The following RP1 variants were observed in gnomAD, a reference collection of about 807,000 sequenced individuals.
RP1 encodes RP1 axonemal microtubule associated.
A neutral mutation model predicts 14.8 loss-of-function variants in RP1; 16 were observed. The observed-to-expected ratio is 1.08, with a 90% confidence interval of 0.73 to 1.65. RP1 has a LOEUF of 1.65. RP1 is among the 40% of genes most tolerant of loss of function. The pLI is 0.00. For missense variants in RP1, 2,631 were observed against 2,535.0 expected, an observed-to-expected ratio of 1.04 and a Z score of -0.81; for synonymous variants, 876 against 883.6, an observed-to-expected ratio of 0.99 and a Z score of 0.15.
chr8:54,793,915 A>C (rs1810523529), intron 24 of RP1, among the ~76,000 whole-genome samples: 1 of 151,920 alleles, frequency 6.6e-6, no homozygotes, highest in African/African-American at 2.4e-5. Context: ...TTACATATAG[A>C]AAATTCTAAA....
Position 54,628,114 on chromosome 8 carries a change from A to G in RP1, c.4232A>G (p.Asp1411Gly), listed in dbSNP as rs1481855221. 1.9e-6 allele frequency: 3 copies of G among 1,613,996 alleles called. No homozygotes were observed. The highest frequency in any genetic ancestry group is 1.1e-5 in the South Asian group (1 of 91,082). ...CTAAGTGAAAAAGAAGCAGAACTTG[A>G]TAAGAAACATAGTTCTCTAGATGAT... ...LCLSEKEAEL[D>G]KKHSSLDDFE... Residue 1411 changes from aspartate to glycine, a missense_variant, in exon 4 of 4, where the codon GAT (aspartate) becomes GGT (glycine). By Grantham distance (94) the Asp-to-Gly change is moderately conservative. Coordinates refer to ENST00000220676, the MANE Select transcript of RP1 (RefSeq NM_006269.2).
chr8:54,637,128 C>G (rs559945871), intron 3 of RP1, among the ~76,000 whole-genome samples: 2 of 152,144 alleles, frequency 1.3e-5, no homozygotes, highest in African/African-American at 4.8e-5. Flanking sequence ...CTTGTATGCC[C>G]TGTTCGGTAT....
At chr8:54,793,281 C>G (rs1281467341) in intron 24 of RP1, among the ~76,000 whole-genome samples, 1 of 151,824 alleles carries the variant, frequency 6.6e-6, no homozygotes, top group South Asian at 2.1e-4. Context: ...CCATCTCAAA[C>G]TCTTCTAAAA....
rs116334507 is a variant in RP1, at chr8:54,861,305, G to A, written c.4069+4199G>A. 9.4e-3 allele frequency among the ~76,000 whole-genome samples: 1,432 copies of A among 152,228 alleles called. 19 individuals carry two copies. Among genetic ancestry groups the A allele is most frequent in the African/African-American group, 0.032 (1,311 of 41,526 alleles). ...TTTTTTCATGATTTCAAAAACCTTTGCTTTAAAGAAAGGCTTTACTAATCA... is the reference window on the plus strand; with the variant it reads ...TTTTTTCATGATTTCAAAAACCTTTACTTTAAAGAAAGGCTTTACTAATCA... On this transcript the variant is annotated intron_variant, in intron 27 of 28. Transcript: ENST00000637698.
intron 1 of RP1, among the ~76,000 whole-genome samples, chr8:54,616,895 C>G (rs1805731561): frequency 1.3e-5 from 2 of 152,166 alleles, no homozygotes; most frequent in South Asian, 4.1e-4. Flanking sequence ...CTGAGCAGCA[C>G]AGCTGTAAAT....
chr8:54,774,645 G>T (rs565420799), downstream of RP1, among the ~76,000 whole-genome samples: 14 of 152,226 alleles, frequency 9.2e-5, no homozygotes, highest in African/African-American at 3.4e-4. Context: ...AATAGCTAGT[G>T]TTTAGTTTTT....
intron 22 of RP1, among the ~76,000 whole-genome samples, chr8:54,760,047 T>C (rs1809601647): frequency 6.6e-6 from 1 of 152,050 alleles, no homozygotes; most frequent in African/African-American, 2.4e-5. Flanking sequence ...AAGCAAAAAG[T>C]AAAAATAATG....
intron 1 of RP1, among the ~76,000 whole-genome samples, chr8:54,609,249 C>T (rs991193541): frequency 5.3e-5 from 8 of 151,782 alleles, no homozygotes; most frequent in African/African-American, 1.5e-4. Context: ...TTACTTGAGC[C>T]TAGGAGTTTG....
Position 54,812,811 on chromosome 8 carries a change from C to A in RP1, c.3616-24639C>A, listed in dbSNP as rs75969559. On this transcript the variant is annotated intron_variant, in intron 24 of 28. Transcript: ENST00000637698. ...TATCTATCTATCTATCTATCTATCT[C>A]TCCGTCTTCTATCATTTATCTATTG... Among the ~76,000 whole-genome samples the A allele has an allele frequency of 7.9e-3, 892 of 113,432 alleles. 6 individuals carry two copies. The highest frequency in any genetic ancestry group is 0.027 in the African/African-American group (843 of 30,714). The allele number at this position is 113,432 out of a possible 152,430, so 74.4% of individuals were successfully genotyped here.
At chr8:54,725,080 C>A (rs1387468544) in intron 16 of RP1, among the ~76,000 whole-genome samples, 1 of 152,198 alleles carries the variant, frequency 6.6e-6, no homozygotes, top group Non-Finnish European at 1.5e-5. Context: ...TGGGCTGTAA[C>A]CCCATCAATG....
chr8:54,754,876 C>T, exon 20 of RP1: 1 of 1,527,354 alleles, frequency 6.5e-7, no homozygotes, highest in South Asian at 1.2e-5. Context: ...CGGATTCAGG[C>T]AGATGGGGAT....
chr8:54,734,868 C>T (rs1190588731), intron 18 of RP1: 3 of 715,400 alleles, frequency 4.2e-6, no homozygotes, highest in Non-Finnish European at 6.1e-6. Context: ...TTTTAGAATG[C>T]CTGTAAGTTA....
chr8:54,583,930 G>T (rs1427322113), intron 1 of RP1, among the ~76,000 whole-genome samples: 5 of 151,916 alleles, frequency 3.3e-5, no homozygotes, highest in African/African-American at 7.3e-5. Flanking sequence ...TATCAATTTT[G>T]TTGATCTTTT....
intron 9 of RP1, chr8:54,679,352 A>G: frequency 7.4e-7 from 1 of 1,344,690 alleles, no homozygotes; most frequent in Non-Finnish European, 1.0e-6. Context: ...CTGACTTGGG[A>G]AGATAATTGC....
intron 24 of RP1, among the ~76,000 whole-genome samples, chr8:54,803,445 T>C (rs1810762847): frequency 1.3e-5 from 2 of 152,180 alleles, no homozygotes; most frequent in South Asian, 4.1e-4. Context: ...TAACAGTTGA[T>C]GGATTTGAGA....
chr8:54,817,621 A>G (rs1446461125), intron 24 of RP1, among the ~76,000 whole-genome samples: 4 of 152,216 alleles, frequency 2.6e-5, no homozygotes, highest in South Asian at 2.1e-4. Flanking sequence ...ATTTATTTCT[A>G]TGAGCAAAAT....
chr8:54,570,115 G>T (rs6997903), intron 1 of RP1, among the ~76,000 whole-genome samples: 38,739 of 151,968 alleles, frequency 0.25, 5,105 homozygotes, highest in African/African-American at 0.32. Context: ...CCCCACGCTT[G>T]TACCCTGTGT....
intron 8 of RP1, among the ~76,000 whole-genome samples, chr8:54,674,768 A>T (rs1807257605): frequency 6.6e-6 from 1 of 152,144 alleles, no homozygotes; most frequent in Admixed American, 6.6e-5. Flanking sequence ...TAAAAATATG[A>T]CCAATATTCT....
At chr8:54,560,269 T>C (rs1804256190) in intron 1 of RP1, 1 of 152,196 alleles carries the variant, frequency 6.6e-6, no homozygotes, top group African/African-American at 2.4e-5. Context: ...GCACTCTGAA[T>C]GTCAGCTATC....
Sources: gnomAD v4.1 joint callset for allele counts (sites outside exome capture counted in the v4.1 genomes callset) on GRCh38, gnomAD v4.1.1 for gene constraint, MANE v1.5 for transcripts, NCBI Gene and HGNC (gene_info 2026-07-23, HGNC 2026-07-21) for gene names.